The following NFKB1 variants were observed in gnomAD, a reference collection of about 807,000 sequenced individuals.
NFKB1 encodes the protein nuclear factor NF-kappa-B p105 subunit.
A neutral mutation model predicts 105.1 loss-of-function variants in NFKB1; 9 were observed. That is an observed-to-expected ratio of 0.09 (90% CI 0.05 to 0.15). The LOEUF (loss-of-function observed/expected upper bound fraction) is 0.15. Among genes scored for constraint, NFKB1 ranks in the 10% least tolerant of loss-of-function variants. The pLI is 1.00. For missense variants in NFKB1, 830 were observed against 1,203.7 expected (o/e 0.69, Z 4.59); for synonymous variants, 440 against 442.2 (o/e 1.00, Z 0.06).
intron 16 of NFKB1, among the ~76,000 whole-genome samples, chr4:102,604,111 A>G (rs767121346): frequency 3.3e-5 from 5 of 152,146 alleles, no homozygotes; most frequent in Admixed American, 6.5e-5. Context: ...AAAGTTGCCC[A>G]CCCTGACAAT....
chr4:102,562,449 A>G (rs1313206095), intron 5 of NFKB1, among the ~76,000 whole-genome samples: 1 of 152,156 alleles, frequency 6.6e-6, no homozygotes, highest in Non-Finnish European at 1.5e-5. Flanking sequence ...TTCATCCCCT[A>G]GTTTACTGCA....
At chr4:102,547,514 G>C (rs900345266) in intron 5 of NFKB1, among the ~76,000 whole-genome samples, 1 of 152,150 alleles carries the variant, frequency 6.6e-6, no homozygotes, top group Non-Finnish European at 1.5e-5. Context: ...CTAGTTTTGC[G>C]ACTTGCAGTG....
At chr4:102,534,594 A>G (rs564894225) in intron 4 of NFKB1, among the ~76,000 whole-genome samples, 3 of 152,296 alleles carry the variant, frequency 2.0e-5, no homozygotes, top group South Asian at 4.1e-4. Context: ...AAGAAAGGCA[A>G]TCTTTAATGT....
Position 102,610,627 on chromosome 4 carries a change from T to C in NFKB1, c.2280T>C (p.Ser760=), listed in dbSNP as rs766531134. 6.2e-7 allele frequency: 1 copy of C among 1,614,042 alleles called. No individual in the cohort carries two copies. The highest frequency in any genetic ancestry group is 1.7e-5 in the Admixed American group (1 of 60,012). Residue 760 remains serine (S), a synonymous_variant, in exon 20 of 24, where the codon TCT becomes TCC. Transcript: ENST00000226574. ...AGCCTCTCTATGACCTGGATGACTC[T>C]TGGGAAAATGCAGGAGAGGATGAAG... ...NFEPLYDLDD[S]WENAGEDEGV... is the part of the protein sequence containing the mutation.
intron 1 of NFKB1, among the ~76,000 whole-genome samples, chr4:102,524,986 G>T (rs1740814993): frequency 6.6e-6 from 1 of 152,182 alleles, no homozygotes; most frequent in South Asian, 2.1e-4. Flanking sequence ...GCCTGCACTA[G>T]AGGACAGAGC....
intron 5 of NFKB1, among the ~76,000 whole-genome samples, chr4:102,562,295 G>A (rs1373325865): frequency 6.6e-6 from 1 of 152,172 alleles, no homozygotes. Flanking sequence ...ACCCAGTCAA[G>A]TGCTTCTTAT....
chr4:102,527,705 AATTGT>A (rs754505639), intron 2 of NFKB1, among the ~76,000 whole-genome samples: 1 of 152,160 alleles, frequency 6.6e-6, no homozygotes, highest in African/African-American at 2.4e-5. Flanking sequence ...ACATTTGGCT[AATTGT>A]ATTATCAAAA....
intron 5 of NFKB1, among the ~76,000 whole-genome samples, chr4:102,558,646 C>A (rs1467716545): frequency 6.6e-6 from 1 of 152,076 alleles, no homozygotes; most frequent in African/African-American, 2.4e-5. Flanking sequence ...AATATCCTCA[C>A]TGTTTTTATT....
intron 4 of NFKB1, among the ~76,000 whole-genome samples, chr4:102,536,110 G>A (rs1304305475): frequency 2.0e-5 from 3 of 151,680 alleles, no homozygotes; most frequent in Admixed American, 1.3e-4. Flanking sequence ...CTATTCTTAT[G>A]GTTAGCTAAT....
chr4:102,568,853 A>G (rs1363042779), intron 6 of NFKB1, among the ~76,000 whole-genome samples: 1 of 152,116 alleles, frequency 6.6e-6, no homozygotes, highest in Non-Finnish European at 1.5e-5. Context: ...GGGAGAACTC[A>G]TCAGTCATTC....
chr4:102,534,515 GCCT>G (rs1741511641), intron 4 of NFKB1, among the ~76,000 whole-genome samples: 1 of 152,146 alleles, frequency 6.6e-6, no homozygotes, highest in African/African-American at 2.4e-5. Flanking sequence ...AACTGAAATG[GCCT>G]CCTCACTGTA....
At chr4:102,604,525 G>T (rs1434947017) in intron 16 of NFKB1, among the ~76,000 whole-genome samples, 2 of 151,922 alleles carry the variant, frequency 1.3e-5, no homozygotes, top group Admixed American at 1.3e-4. Flanking sequence ...AGTTCTTTGT[G>T]CATATATTTT....
chr4:102,547,418 G>A (rs1268198565), intron 5 of NFKB1, among the ~76,000 whole-genome samples: 1 of 152,124 alleles, frequency 6.6e-6, no homozygotes, highest in Non-Finnish European at 1.5e-5. Flanking sequence ...CTGGGGTGAG[G>A]TTTAGGTGGT....
At position 102,606,613 on chromosome 4, in the gene NFKB1, G is replaced by A. The variant is rs1252330766; in HGVS notation, c.1870G>A (p.Ala624Thr). 15 of 1,614,030 alleles carry A rather than the reference G, an allele frequency of 9.3e-6. 1 individual carries two copies. The South Asian group carries it at 1.5e-4, about 17-fold the overall frequency. Reference sequence around the variant, plus strand: ...GGGTAACTCTGTTTTGCACCTAGCTGCCAAAGAAGGACATGATAAAGTTCT... The same window carrying A: ...GGGTAACTCTGTTTTGCACCTAGCTACCAAAGAAGGACATGATAAAGTTCT... ...RLGNSVLHLA[A>T]KEGHDKVLSI... Residue 624 changes from alanine to threonine, a missense_variant, in exon 17 of 24, where the codon GCC (alanine) becomes ACC (threonine). Ala to Thr is a moderately conservative substitution (Grantham distance 58). Coordinates refer to ENST00000226574, the MANE Select transcript of NFKB1 (RefSeq NM_003998.4).
At chr4:102,597,332 CA>C (rs781605357) in intron 14 of NFKB1, among the ~76,000 whole-genome samples, 187 bp from the exon 15 acceptor site, 3 of 152,196 alleles carry the variant, frequency 2.0e-5, no homozygotes, top group Non-Finnish European at 4.4e-5. Context: ...CTATATTTGT[CA>C]GTGACCCAGT....
chr4:102,505,910 G>C (rs1485306525), intron 1 of NFKB1, among the ~76,000 whole-genome samples: 1 of 151,772 alleles, frequency 6.6e-6, no homozygotes, highest in East Asian at 1.9e-4. Context: ...TCTTCTATAA[G>C]GAACAAAAAT....
At position 102,581,220 on chromosome 4, in the gene NFKB1, T is replaced by A. The variant is rs1188288258; in HGVS notation, c.835+581T>A. On this transcript the variant is annotated intron_variant, in intron 9 of 23. Coordinates refer to ENST00000226574, the MANE Select transcript of NFKB1 (RefSeq NM_003998.4). ...TTAGATATATTACAACATTGATAGA[T>A]TAGTAAAAGCTGAGGAAAATGTGTT... 2.0e-5 allele frequency among the ~76,000 whole-genome samples: 3 copies of A among 152,282 alleles called. No individual in the cohort carries two copies. In the East Asian group the frequency reaches 5.8e-4, roughly 29 times the overall value.
intron 9 of NFKB1, 51 bp downstream of exon 9, chr4:102,580,690 T>A: frequency 7.0e-7 from 1 of 1,419,034 alleles, no homozygotes; most frequent in Non-Finnish European, 9.9e-7. Flanking sequence ...CTTGACACAC[T>A]ACAGTTCTGA....
At chr4:102,560,006 A>G (rs902710317) in intron 5 of NFKB1, among the ~76,000 whole-genome samples, 2 of 152,006 alleles carry the variant, frequency 1.3e-5, no homozygotes, top group South Asian at 2.1e-4. Flanking sequence ...TCAGTATTAT[A>G]TACATTATTT....
Sources: gnomAD v4.1 joint callset for allele counts (sites outside exome capture counted in the v4.1 genomes callset) on GRCh38, gnomAD v4.1.1 for gene constraint, MANE v1.5 for transcripts, NCBI Gene and HGNC (gene_info 2026-07-23, HGNC 2026-07-21) for gene names.